Variants in AQP8 observed in about 807,000 individuals in gnomAD.
The protein encoded by AQP8 is aquaporin 8.
Under a neutral mutation model 26.1 loss-of-function variants are expected in AQP8, and 14 were observed. The observed-to-expected ratio is 0.54, with a 90% confidence interval of 0.35 to 0.84. The LOEUF (loss-of-function observed/expected upper bound fraction) is 0.84. Ranked by LOEUF, AQP8 falls within the 40% of genes least tolerant of loss-of-function variation. The probability of loss-of-function intolerance (pLI) is 0.01; values close to 1 mark genes in which losing one functional copy is unlikely to be tolerated. For synonymous variants in AQP8, 131 were observed against 150.7 expected (o/e 0.87, Z 0.96); for missense variants, 301 against 340.5 (o/e 0.88, Z 0.91).
At chr16:25,223,045 T>C (rs1375491703) in intron 3 of AQP8, among the ~76,000 whole-genome samples, 2 of 152,370 alleles carry the variant, frequency 1.3e-5, no homozygotes, top group African/African-American at 4.8e-5. Context: ...TGAAAAACCA[T>C]AGTCAGTTCA....
chr16:25,225,634 T>A (rs10852284), intron 4 of AQP8, among the ~76,000 whole-genome samples: 1 of 151,756 alleles, frequency 6.6e-6, no homozygotes, highest in Non-Finnish European at 1.5e-5. Flanking sequence ...TGGTCTCGAT[T>A]TCCTGATCTC....
intron 3 of AQP8, among the ~76,000 whole-genome samples, chr16:25,221,794 G>C (rs1962566114): frequency 6.6e-6 from 1 of 152,050 alleles, no homozygotes; most frequent in Non-Finnish European, 1.5e-5. Flanking sequence ...TTGAGATGGA[G>C]TCTTGCTCTG....
At chr16:25,221,027 C>A (rs929146029) in intron 2 of AQP8, among the ~76,000 whole-genome samples, 1 of 152,046 alleles carries the variant, frequency 6.6e-6, no homozygotes, top group Admixed American at 6.6e-5. Flanking sequence ...CTGCAGCCCG[C>A]GCGACAGAGC....
chr16:25,225,737 G>A (rs1962623922), intron 4 of AQP8, among the ~76,000 whole-genome samples: 1 of 151,992 alleles, frequency 6.6e-6, no homozygotes. Context: ...TTCGAAGCTG[G>A]ACACAGGGTG....
In AQP8 at chr16:25,228,601, C is replaced by T. The variant is rs551833273; in HGVS notation, c.*109C>T. 3.7e-4 allele frequency: 435 copies of T among 1,181,978 alleles called. No homozygotes were observed. The African/African-American group carries it at 5.6e-3, about 15-fold the overall frequency. The allele number at this position is 1,181,978 out of a possible 1,614,324, so 73.2% of individuals were successfully genotyped here. A position where few individuals can be genotyped will look rare whatever the true frequency, so the allele number is the denominator to read the frequency against. On this transcript the variant is annotated 3_prime_UTR_variant, in exon 6 of 6. Transcript: ENST00000219660. ...CTGCCAGGGCAGAGGCCCAGAGGAG[C>T]GACCCCCTGCTTCCACTGCTTGGGC...
rs199576560 is a variant in AQP8 at position 25,217,373 on chromosome 16, C to T, written c.188C>T (p.Thr63Ile). 75 of 1,614,156 alleles carry T rather than the reference C, an allele frequency of 4.6e-5. 1 individual carries two copies. Among genetic ancestry groups the T allele is most frequent in the Middle Eastern group, 3.3e-4 (2 of 6,062 alleles). Residue 63 changes from threonine (T) to isoleucine (I), a missense_variant, in exon 2 of 6, where the codon ACT becomes ATT. By Grantham distance (89) the Thr-to-Ile change is moderately conservative (BLOSUM62 -1). Transcript: ENST00000219660. ...CLSVIENGTD[T>I]GLLQPALAHG... ...TCGGTCATTGAGAATGGGACGGACACTGGGCTGCTGCAGCCGGCCCTGGCC... is the reference window on the plus strand; with the variant it reads ...TCGGTCATTGAGAATGGGACGGACATTGGGCTGCTGCAGCCGGCCCTGGCC...
At chr16:25,219,645 T>C (rs1962531488) in intron 2 of AQP8, among the ~76,000 whole-genome samples, 1 of 151,434 alleles carries the variant, frequency 6.6e-6, no homozygotes, top group African/African-American at 2.4e-5. Context: ...TTCATCTGTG[T>C]ATCTCAGCAG....
At chr16:25,224,182 G>A (rs572518915) in intron 3 of AQP8, among the ~76,000 whole-genome samples, 180 bp from the exon 4 acceptor site, 6 of 152,202 alleles carry the variant, frequency 3.9e-5, no homozygotes, top group East Asian at 1.9e-4. Context: ...AGTAGTTCAC[G>A]CAGGGTCGCA....
At chr16:25,225,983 A>G (rs1962628042) in intron 4 of AQP8, among the ~76,000 whole-genome samples, 1 of 152,140 alleles carries the variant, frequency 6.6e-6, no homozygotes, top group South Asian at 2.1e-4. Flanking sequence ...AACCTATGGG[A>G]TAGTCACTTT....
chr16:25,221,827 GC>G (rs1486892207), intron 3 of AQP8, among the ~76,000 whole-genome samples: 2 of 152,120 alleles, frequency 1.3e-5, no homozygotes, highest in African/African-American at 2.4e-5. Context: ...GAGTGCAGTG[GC>G]CTGATCTTGG....
chr16:25,225,267 G>A (rs1041509372), intron 4 of AQP8, among the ~76,000 whole-genome samples: 4 of 152,166 alleles, frequency 2.6e-5, no homozygotes, highest in Non-Finnish European at 5.9e-5. Flanking sequence ...TTACAGGCAT[G>A]AGCCACAGTG....
At chr16:25,221,844 T>C (rs1315419592) in intron 3 of AQP8, among the ~76,000 whole-genome samples, 1 of 152,214 alleles carries the variant, frequency 6.6e-6, no homozygotes, top group Non-Finnish European at 1.5e-5. Context: ...CTTGGCTCAC[T>C]GCAACCTCTG....
chr16:25,223,861 C>CTGT (rs1210013861), intron 3 of AQP8, among the ~76,000 whole-genome samples: 5 of 147,212 alleles, frequency 3.4e-5, no homozygotes, highest in African/African-American at 5.1e-5. Context: ...GAGTCTTGCT[C>CTGT]TGTTGTTCAA....
intron 5 of AQP8, 97 bp from the exon 6 acceptor site, chr16:25,228,347 G>A: frequency 8.9e-7 from 1 of 1,126,430 alleles, no homozygotes; most frequent in East Asian, 2.4e-5. Context: ...GGAGGCTCAG[G>A]AAGTCATCTT....
intron 3 of AQP8, among the ~76,000 whole-genome samples, chr16:25,221,912 C>T (rs537950621): frequency 2.0e-5 from 3 of 151,178 alleles, no homozygotes; most frequent in Admixed American, 6.6e-5. Context: ...GGATTACAGG[C>T]GCATGCCACC....
At chr16:25,225,726 C>T (rs1962623479) in intron 4 of AQP8, among the ~76,000 whole-genome samples, 1 of 152,062 alleles carries the variant, frequency 6.6e-6, no homozygotes, top group Non-Finnish European at 1.5e-5. Context: ...AGCTTTTTGA[C>T]TTCGAAGCTG....
intron 2 of AQP8, 84 bp from the exon 3 acceptor site, chr16:25,221,372 TG>T: frequency 6.5e-7 from 1 of 1,530,356 alleles, no homozygotes; most frequent in African/African-American, 1.4e-5. Context: ...GCCAGCCTGG[TG>T]GGTTGGCTGG....
intron 4 of AQP8, among the ~76,000 whole-genome samples, chr16:25,226,867 G>T (rs899974688): frequency 6.6e-6 from 1 of 152,122 alleles, no homozygotes; most frequent in Admixed American, 6.5e-5. Flanking sequence ...TGGACTGCAC[G>T]CCCAGCGGGG....
intron 2 of AQP8, among the ~76,000 whole-genome samples, chr16:25,220,394 G>T (rs79079630): frequency 0.044 from 6,674 of 152,140 alleles, 499 homozygotes; most frequent in African/African-American, 0.15. Context: ...CCATCAGAGT[G>T]GGACTGGTTG....
Sources: allele counts gnomAD v4.1 joint callset (sites outside exome capture counted in the v4.1 genomes callset), GRCh38; gene constraint gnomAD v4.1.1; transcripts MANE v1.5; gene names NCBI Gene and HGNC (gene_info 2026-07-23, HGNC 2026-07-21).